RAB3IL1: variants seen among roughly 807,000 people sequenced by gnomAD.
RAB3IL1 encodes RAB3A interacting protein like 1, also known as guanine nucleotide exchange factor for Rab-3A.
A neutral mutation model predicts 49.2 loss-of-function variants in RAB3IL1; 37 were observed. The ratio of observed to expected loss-of-function variants is 0.75; its 90% CI spans 0.58 to 0.99. The LOEUF (loss-of-function observed/expected upper bound fraction) is 0.99. RAB3IL1 is among the 50% of genes least tolerant of loss of function. The pLI, the probability that RAB3IL1 is intolerant of heterozygous loss-of-function variation, is 0.00. For synonymous variants in RAB3IL1, 193 were observed against 213.9 expected, an observed-to-expected ratio of 0.90 and a Z score of 0.85; for missense variants, 484 against 513.0, an observed-to-expected ratio of 0.94 and a Z score of 0.55.
At chr11:61,919,104 A>G (rs1939826825), upstream of RAB3IL1, among the ~76,000 whole-genome samples, 1 of 152,166 alleles carries the variant, frequency 6.6e-6, no homozygotes, top group South Asian at 2.1e-4. Flanking sequence ...GGAGGAGAAA[A>G]TGACACAAAA....
the RAB3IL1 span, among the ~76,000 whole-genome samples, chr11:61,925,466 C>A: frequency 6.6e-6 from 1 of 152,000 alleles, no homozygotes; most frequent in African/African-American, 2.4e-5. Flanking sequence ...AAAACCCTGT[C>A]TCTACTAAAA....
intron 1 of RAB3IL1, among the ~76,000 whole-genome samples, chr11:61,909,647 G>A (rs1939371087): frequency 6.6e-6 from 1 of 152,200 alleles, no homozygotes; most frequent in Non-Finnish European, 1.5e-5. Flanking sequence ...CAGTGTCTAT[G>A]CCAGACAGGG....
At chr11:61,931,608 ACT>A in the RAB3IL1 span, among the ~76,000 whole-genome samples, 16 of 152,026 alleles carry the variant, frequency 1.1e-4, no homozygotes, top group African/African-American at 3.6e-4. Context: ...GGAAACAGAG[ACT>A]CTGTAGAAAA....
the RAB3IL1 span, among the ~76,000 whole-genome samples, chr11:61,945,135 G>C: frequency 6.6e-6 from 1 of 152,198 alleles, no homozygotes; most frequent in African/African-American, 2.4e-5. Flanking sequence ...CCATTGACCT[G>C]ACAGATAGGG....
At chr11:61,907,308 C>T (rs1015636308) in intron 4 of RAB3IL1, 85 bp downstream of exon 4, 7 of 1,437,158 alleles carry the variant, frequency 4.9e-6, no homozygotes, top group East Asian at 2.3e-5. Flanking sequence ...TGAGCGTCCA[C>T]TCGGGCAGCA....
the RAB3IL1 span, among the ~76,000 whole-genome samples, chr11:61,926,877 C>A: frequency 6.6e-6 from 1 of 151,756 alleles, no homozygotes; most frequent in African/African-American, 2.4e-5. Flanking sequence ...TATTTCATCA[C>A]TCTTTCTTGC....
chr11:61,898,818 G>A lies in RAB3IL1; in HGVS notation c.1067-458C>T. ...GCCTCCAAGAGGACTTGACCCCCAG[G>A]ATGGAGAGGAGATAGCTCCTTACTC... On this transcript the variant is annotated intron_variant, in intron 9 of 9. Coordinates refer to ENST00000394836, the MANE Select transcript of RAB3IL1 (RefSeq NM_013401.4). The surrounding 1 kb of genome is among the most constrained non-coding windows in gnomAD (Gnocchi z 5.1). The A allele has an allele frequency of 2.1e-6, 1 of 468,522 alleles. No homozygotes were observed. The highest frequency in any genetic ancestry group is 4.2e-6 in the Non-Finnish European group (1 of 235,592). 29.0% of individuals were successfully genotyped at this position (468,522 alleles called of 1,614,324 possible).
At chr11:61,933,173 G>A in the RAB3IL1 span, among the ~76,000 whole-genome samples, 3 of 152,148 alleles carry the variant, frequency 2.0e-5, no homozygotes, top group African/African-American at 4.8e-5. Flanking sequence ...TTTGAAAACT[G>A]TAAATGTTAC....
upstream of RAB3IL1, among the ~76,000 whole-genome samples, chr11:61,925,070 AT>A (rs1939974138): frequency 6.6e-6 from 1 of 152,210 alleles, no homozygotes; most frequent in Admixed American, 6.5e-5. Flanking sequence ...TTTACGCGCA[AT>A]CTCAGATTCT....
chr11:61,930,223 T>A, the RAB3IL1 span, among the ~76,000 whole-genome samples: 1 of 152,076 alleles, frequency 6.6e-6, no homozygotes, highest in African/African-American at 2.4e-5. Context: ...GTCTATGAAA[T>A]CAAGAATAGA....
chr11:61,921,232 C>G (rs116929019), upstream of RAB3IL1, among the ~76,000 whole-genome samples: 17 of 152,192 alleles, frequency 1.1e-4, no homozygotes, highest in East Asian at 3.3e-3. Context: ...TCACCACCAC[C>G]GCCCAGGAAC....
At chr11:61,926,245 A>G in the RAB3IL1 span, among the ~76,000 whole-genome samples, 2 of 152,172 alleles carry the variant, frequency 1.3e-5, no homozygotes, top group Non-Finnish European at 2.9e-5. Flanking sequence ...TGGGAGCTCA[A>G]TAGAGGTGTT....
At chr11:61,930,447 AG>A in the RAB3IL1 span, among the ~76,000 whole-genome samples, 1 of 152,236 alleles carries the variant, frequency 6.6e-6, no homozygotes, top group Non-Finnish European at 1.5e-5. Flanking sequence ...AGCTTGAAAA[AG>A]TTACACCAAA....
chr11:61,912,789 T>C (rs1211950690), intron 1 of RAB3IL1, among the ~76,000 whole-genome samples: 1 of 151,568 alleles, frequency 6.6e-6, no homozygotes, highest in African/African-American at 2.4e-5. Context: ...AGCGCCCAAG[T>C]ACTGGAGGTG....
the RAB3IL1 span, among the ~76,000 whole-genome samples, chr11:61,933,484 G>A: frequency 2.0e-5 from 3 of 152,106 alleles, no homozygotes; most frequent in Non-Finnish European, 4.4e-5. Context: ...TGGACATCCT[G>A]GCCTCCCGAA....
chr11:61,939,313 T>C, the RAB3IL1 span, among the ~76,000 whole-genome samples: 1 of 151,916 alleles, frequency 6.6e-6, no homozygotes, highest in East Asian at 1.9e-4. Context: ...CAAGAGAAAT[T>C]AGATGAGATG....
At chr11:61,905,500 C>T (rs1043701035) in intron 5 of RAB3IL1, among the ~76,000 whole-genome samples, 3 of 152,104 alleles carry the variant, frequency 2.0e-5, no homozygotes, top group Non-Finnish European at 2.9e-5. Flanking sequence ...CTGGGGACCA[C>T]GCAGAGGAGC....
At chr11:61,909,314 CAG>C (rs1429295707) in intron 1 of RAB3IL1, among the ~76,000 whole-genome samples, 84 of 152,284 alleles carry the variant, frequency 5.5e-4, no homozygotes, top group African/African-American at 2.0e-3. Context: ...ACGGCTGAGG[CAG>C]AGGGAGGAGT....
the RAB3IL1 span, among the ~76,000 whole-genome samples, chr11:61,942,890 A>G: frequency 6.6e-6 from 1 of 152,204 alleles, no homozygotes; most frequent in Non-Finnish European, 1.5e-5. Context: ...ATGAAAAGAC[A>G]TCCTATGTTC....
Sources: gnomAD v4.1 joint callset for allele counts (sites outside exome capture counted in the v4.1 genomes callset) on GRCh38, gnomAD v4.1.1 for gene constraint, Gnocchi (gnomAD v3.1) non-coding constraint, MANE v1.5 for transcripts, NCBI Gene and HGNC (gene_info 2026-07-23, HGNC 2026-07-21) for gene names.